Variants in EXOC6 observed in about 807,000 individuals in gnomAD.
The protein encoded by EXOC6 is SEC15-like 1.
A neutral mutation model predicts 112.5 loss-of-function variants in EXOC6; 60 were observed. The ratio of observed to expected loss-of-function variants is 0.53; its 90% confidence interval spans 0.43 to 0.66. The LOEUF (loss-of-function observed/expected upper bound fraction) is 0.66, where lower values mean the gene tolerates loss of function less well. Ranked by LOEUF, EXOC6 falls within the 30% of genes least tolerant of loss-of-function variation. EXOC6 has a pLI of 0.00. For synonymous variants in EXOC6, 295 were observed against 308.0 expected (o/e 0.96, Z 0.44); for missense variants, 855 against 957.1 (o/e 0.89, Z 1.41).
At chr10:92,997,722 G>A (rs917637848) in intron 19 of EXOC6, 107 bp downstream of exon 19, 33 of 987,988 alleles carry the variant, frequency 3.3e-5, no homozygotes, top group Admixed American at 1.0e-4. Context: ...AGAAGGCCTG[G>A]TTCAGCTAAA....
intron 13 of EXOC6, among the ~76,000 whole-genome samples, chr10:92,944,773 A>ATT (rs35127540): frequency 6.6e-5 from 9 of 137,288 alleles, no homozygotes; most frequent in East Asian, 4.3e-4. Flanking sequence ...ACCTCGTTGT[A>ATT]TTTTTTTTTT....
intron 1 of EXOC6, among the ~76,000 whole-genome samples, chr10:92,862,966 T>G (rs555153593): frequency 9.2e-5 from 14 of 152,160 alleles, no homozygotes; most frequent in Non-Finnish European, 1.6e-4. Flanking sequence ...TAGTTTGGAG[T>G]GCACAAGTCT....
intron 8 of EXOC6, among the ~76,000 whole-genome samples, 159 bp downstream of exon 8, chr10:92,920,209 T>C (rs7919718): frequency 9.2e-5 from 14 of 152,216 alleles, no homozygotes; most frequent in African/African-American, 3.4e-4. Flanking sequence ...TGTTTACTTA[T>C]CATAGTGTAA....
chr10:92,947,293 GT>G (rs761661753), intron 13 of EXOC6, among the ~76,000 whole-genome samples: 2 of 152,210 alleles, frequency 1.3e-5, no homozygotes, highest in Non-Finnish European at 2.9e-5. Flanking sequence ...TGTCTTCCTT[GT>G]CACCATGGGA....
chr10:93,048,387 A>T (rs1846106888), intron 20 of EXOC6, among the ~76,000 whole-genome samples: 1 of 140,174 alleles, frequency 7.1e-6, no homozygotes. Context: ...AATAGGAAAT[A>T]AAAAAAATTG....
At chr10:93,049,562 TTTTGTTTTG>T in intron 20 of EXOC6, among the ~76,000 whole-genome samples, 1 of 152,200 alleles carries the variant, frequency 6.6e-6, no homozygotes, top group Non-Finnish European at 1.5e-5. Flanking sequence ...AGGTAGGTCT[TTTTGTTTTG>T]TTTGTTTTGT....
chr10:93,024,764 C>T (rs1215804658), intron 20 of EXOC6, among the ~76,000 whole-genome samples: 3 of 152,136 alleles, frequency 2.0e-5, no homozygotes, highest in Non-Finnish European at 2.9e-5. Context: ...ACCCAGCATT[C>T]CCAAACTCAT....
chr10:92,910,611 AAT>A (rs980868049), intron 6 of EXOC6, among the ~76,000 whole-genome samples: 1 of 151,986 alleles, frequency 6.6e-6, no homozygotes, highest in Non-Finnish European at 1.5e-5. Context: ...CTATAAAAAA[AAT>A]AAACTATAAA....
At chr10:92,896,170 TATATATATATA>T (rs1320925071) in intron 4 of EXOC6, among the ~76,000 whole-genome samples, 21 of 30,008 alleles carry the variant, frequency 7.0e-4, no homozygotes, top group East Asian at 3.5e-3. Context: ...TATATATATA[TATATATATATA>T]TTTTTTTTTT....
rs754927901 is a variant in EXOC6, at chr10:92,915,867, C to G, written c.773C>G (p.Thr258Ser). The change falls in exon 7 of 22, where the codon ACT becomes AGT. Residue 258 changes from threonine (T) to serine (S), a missense_variant. This residue lies in a region of EXOC6 where 405 missense variants were observed against 393.6 expected (regional missense o/e 1.03). Coordinates refer to ENST00000260762, the MANE Select transcript of EXOC6 (RefSeq NM_019053.6). The stretch of plus-strand genomic sequence containing the variant: ...AGAATTCCAGAGGAAAGGAATGAAA[C>G]TGTATTGAAACATTCACTTGAAGAA... ...RDRIPEERNE[T>S]VLKHSLEEED... 1.3e-6 allele frequency: 2 copies of G among 1,551,678 alleles called. No homozygotes were observed. Among genetic ancestry groups the G allele is most frequent in the South Asian group, 2.5e-5 (2 of 79,150 alleles).
intron 19 of EXOC6, chr10:92,999,201 C>A: frequency 5.1e-6 from 2 of 390,608 alleles, no homozygotes; most frequent in Admixed American, 3.4e-5. Context: ...CCCTAAGAAA[C>A]ACTTTTTTTT....
chr10:92,927,240 G>T (rs1157315874), intron 8 of EXOC6, among the ~76,000 whole-genome samples: 2 of 151,980 alleles, frequency 1.3e-5, no homozygotes, highest in Non-Finnish European at 2.9e-5. Context: ...TAGATGATTA[G>T]GGAAATGGTT....
At chr10:92,919,149 T>C (rs1170281334) in intron 7 of EXOC6, among the ~76,000 whole-genome samples, 1 of 152,220 alleles carries the variant, frequency 6.6e-6, no homozygotes, top group Non-Finnish European at 1.5e-5. Context: ...TTCCCCTTCC[T>C]GTTCTGTATA....
At chr10:92,835,596 CTG>C (rs35929496) in intron 1 of EXOC6, among the ~76,000 whole-genome samples, 40,268 of 150,382 alleles carry the variant, frequency 0.27, 5,877 homozygotes, top group Non-Finnish European at 0.32. Flanking sequence ...GTGTGTGTAT[CTG>C]TGTGTGTGTG....
intron 20 of EXOC6, among the ~76,000 whole-genome samples, chr10:93,028,182 C>A (rs957486737): frequency 3.8e-4 from 58 of 152,102 alleles, no homozygotes; most frequent in African/African-American, 1.3e-3. Flanking sequence ...CCTGTAATCC[C>A]AGCTACTCTG....
At chr10:92,906,491 TC>T (rs1850449776) in intron 5 of EXOC6, among the ~76,000 whole-genome samples, 1 of 152,198 alleles carries the variant, frequency 6.6e-6, no homozygotes, top group Non-Finnish European at 1.5e-5. Flanking sequence ...ATTAGAGTAC[TC>T]ACATGTTCTC....
chr10:92,928,201 G>A (rs997547153), intron 8 of EXOC6, 138 bp from the exon 9 acceptor site: 5 of 510,608 alleles, frequency 9.8e-6, no homozygotes, highest in Non-Finnish European at 1.7e-5. Flanking sequence ...ACTTATTCTT[G>A]ACATTCTGTA....
rs200809702 is a variant in EXOC6 at position 92,909,618 on chromosome 10, C to T, written c.650C>T (p.Thr217Ile). Residue 217 changes from threonine (T) to isoleucine (I), a missense_variant, in exon 6 of 22, where the codon ACA (threonine) becomes ATA (isoleucine). By Grantham distance (89) the Thr-to-Ile change is moderately conservative. Transcript: ENST00000260762. ...IRKHSDKIGE[T>I]AMKQAQHQKT... The stretch of plus-strand genomic sequence containing the variant: ...AAACATTCTGACAAAATAGGTGAAA[C>T]AGCAATGAAACAGGTGAGATTAAAA... The T allele has an allele frequency of 5.2e-5, 84 of 1,603,026 alleles. No individual in the cohort carries two copies. Among genetic ancestry groups the T allele is most frequent in the Non-Finnish European group, 6.2e-5 (73 of 1,171,712 alleles).
chr10:93,050,777 AAAAAG>A (rs1846249995), intron 20 of EXOC6, among the ~76,000 whole-genome samples: 1 of 147,656 alleles, frequency 6.8e-6, no homozygotes, highest in Non-Finnish European at 1.5e-5. Flanking sequence ...AAAAAAAAAA[AAAAAG>A]AATTGCTTGA....
Sources: gnomAD v4.1 joint callset for allele counts (sites outside exome capture counted in the v4.1 genomes callset) on GRCh38, gnomAD v4.1.1 for gene constraint, gnomAD v4.1.1 regional missense constraint, MANE v1.5 for transcripts, NCBI Gene and HGNC (gene_info 2026-07-23, HGNC 2026-07-21) for gene names.